PCDHGA3: variants seen among roughly 807,000 people sequenced by gnomAD.
PCDHGA3 encodes protocadherin gamma subfamily A, 3, also known as protocadherin gamma-A3.
PCDHGA3 carries 40 observed loss-of-function variants against 58.5 expected under a neutral mutation model. That is an observed-to-expected ratio of 0.68 (90% CI 0.53 to 0.89). The LOEUF (loss-of-function observed/expected upper bound fraction) is 0.89. Among genes scored for constraint, PCDHGA3 ranks in the 40% least tolerant of loss-of-function variants. PCDHGA3 has a pLI of 0.00. For missense variants in PCDHGA3, 1,223 were observed against 1,195.9 expected (o/e 1.02, Z -0.33); for synonymous variants, 530 against 525.7 (o/e 1.01, Z -0.11).
At position 141,491,872 on chromosome 5, in the gene PCDHGA3, G is replaced by A; in HGVS notation, c.2425-2935G>A. On this transcript the variant is annotated intron_variant, in intron 1 of 3. Transcript: ENST00000253812. The surrounding 1 kb of genome is among the most constrained non-coding windows in gnomAD (Gnocchi z 6.9). ...CCGTTTGCGCGAAACCAGAGTGGCCGATTAAGGGATGGGGCTCCGAGCACC... is the reference window on the plus strand; with the variant it reads ...CCGTTTGCGCGAAACCAGAGTGGCCAATTAAGGGATGGGGCTCCGAGCACC... 6.9e-7 allele frequency: 1 copy of A among 1,452,190 alleles called. No individual in the cohort carries two copies. The highest frequency in any genetic ancestry group is 9.1e-7 in the Non-Finnish European group (1 of 1,098,644). The allele number at this position is 1,452,190 out of a possible 1,614,324, so 90.0% of individuals were successfully genotyped here.
chr5:141,372,115 T>C, intron 1 of PCDHGA3: 1 of 1,613,758 alleles, frequency 6.2e-7, no homozygotes, highest in Non-Finnish European at 8.5e-7. Flanking sequence ...GGCTCTGCGC[T>C]CTTCGATATG....
intron 1 of PCDHGA3, chr5:141,357,163 T>TCGGCCA: frequency 6.2e-7 from 1 of 1,613,606 alleles, no homozygotes; most frequent in Non-Finnish European, 8.5e-7. Flanking sequence ...GCCCCCTCTC[T>TCGGCCA]CGGCCACCGT....
Position 141,477,128 on chromosome 5 carries a change from G to C in PCDHGA3, c.2425-17679G>C. On this transcript the variant is annotated intron_variant, in intron 1 of 3. Transcript: ENST00000253812. The surrounding 1 kb of genome is among the most constrained non-coding windows in gnomAD (Gnocchi z 4.9). ...CAATCCCGAAGGAGCACATTGCAAA[G>C]TGTTGGTGGAGGTTGTGGATGTGAA... 1.9e-6 allele frequency: 3 copies of C among 1,614,250 alleles called. No homozygotes were observed. The highest frequency in any genetic ancestry group is 2.5e-6 in the Non-Finnish European group (3 of 1,180,046).
intron 1 of PCDHGA3, chr5:141,364,780 A>C (rs1217288326): frequency 6.2e-7 from 1 of 1,614,006 alleles, no homozygotes; most frequent in Non-Finnish European, 8.5e-7. Flanking sequence ...CTGCAGGGAC[A>C]CGGTTAGTGC....
At chr5:141,507,447 G>A (rs998019159) in intron 3 of PCDHGA3, among the ~76,000 whole-genome samples, 1 of 152,226 alleles carries the variant, frequency 6.6e-6, no homozygotes, top group Non-Finnish European at 1.5e-5. Flanking sequence ...GCTGACGGAA[G>A]GACAGAGAGA....
intron 1 of PCDHGA3, chr5:141,374,128 GCTC>G: frequency 6.2e-7 from 1 of 1,603,488 alleles, no homozygotes; most frequent in Non-Finnish European, 8.5e-7. Flanking sequence ...AGCAGGTCCT[GCTC>G]CTCACGCTCC....
rs2233613 is a variant in PCDHGA3 at position 141,511,203 on chromosome 5, G to A, written c.*30G>A. 0.14 allele frequency: 222,603 copies of A among 1,611,360 alleles called. 15,640 individuals carry two copies. The highest frequency in any genetic ancestry group is 0.18 in the Admixed American group (10,873 of 59,374). ...GAGGCCAGGCCAAGAGCCACAGGGC[G>A]GCCTCTCCCCAACCAGCCCAGCTTC... On this transcript the variant is annotated 3_prime_UTR_variant, in exon 4 of 4. Transcript: ENST00000253812.
At position 141,493,235 on chromosome 5, in the gene PCDHGA3, T is replaced by G. The variant is rs541360337; in HGVS notation, c.2425-1572T>G. Among the ~76,000 whole-genome samples the G allele has an allele frequency of 6.6e-6, 1 of 152,352 alleles. No homozygotes were observed. The highest frequency in any genetic ancestry group is 1.5e-5 in the Non-Finnish European group (1 of 68,036). On this transcript the variant is annotated intron_variant, in intron 1 of 3. Transcript: ENST00000253812. This position sits in a 1 kb window ranked among gnomAD's most constrained non-coding sequence, Gnocchi z 4.3. ...TGCTCTTCCCACCATTGCTGTTGGC[T>G]AGGTACTAACATGCCTCTCTTATAA...
intron 1 of PCDHGA3, chr5:141,398,831 C>T: frequency 6.2e-7 from 1 of 1,614,014 alleles, no homozygotes; most frequent in South Asian, 1.1e-5. Context: ...GTAACCGACG[C>T]CAATGATAAT....
In PCDHGA3 at chr5:141,344,519, A is replaced by AG; in HGVS notation, c.488dup (p.Ile164HisfsTer2). 6.2e-7 allele frequency: 1 copy of AG among 1,613,986 alleles called. No individual in the cohort carries two copies. The highest frequency in any genetic ancestry group is 8.5e-7 in the Non-Finnish European group (1 of 1,179,888). On this transcript the variant is annotated frameshift_variant, in exon 1 of 4. Transcript: ENST00000253812. LOFTEE classifies it high-confidence loss of function. ...TTAAAACTGCTTTTGACCCAGATGT[A>AG]GGCATTAACTCCCTGCAGAACTACA...
At chr5:141,389,387 C>T in intron 1 of PCDHGA3, 1 of 1,613,724 alleles carries the variant, frequency 6.2e-7, no homozygotes, top group Non-Finnish European at 8.5e-7. Context: ...AGCTGTCATC[C>T]TACGTGTCCA....
intron 1 of PCDHGA3, chr5:141,419,647 G>A (rs370948584): frequency 1.0e-4 from 165 of 1,612,474 alleles, no homozygotes; most frequent in Non-Finnish European, 1.4e-4. Context: ...CCGTGGACGC[G>A]GACTCGGGGC....
chr5:141,360,892 G>C, intron 1 of PCDHGA3: 1 of 1,614,028 alleles, frequency 6.2e-7, no homozygotes, highest in Non-Finnish European at 8.5e-7. Context: ...CACCCTGAGG[G>C]AGGACGTGCC....
intron 1 of PCDHGA3, chr5:141,403,713 A>G (rs2094445702): frequency 2.5e-6 from 4 of 1,613,946 alleles, no homozygotes; most frequent in Non-Finnish European, 2.5e-6. Flanking sequence ...GTCCTTGAGA[A>G]CGTGCCCCCA....
chr5:141,408,157 T>C (rs748693406), intron 1 of PCDHGA3: 70 of 1,514,372 alleles, frequency 4.6e-5, no homozygotes, highest in Non-Finnish European at 5.9e-5. Flanking sequence ...AGAGTGCACT[T>C]TCTCCAACTG....
chr5:141,383,202 G>A, intron 1 of PCDHGA3: 1 of 1,614,060 alleles, frequency 6.2e-7, no homozygotes. Flanking sequence ...AGAGTGCGCG[G>A]TGTCTGGTAA....
At chr5:141,393,304 T>G (rs1317637425) in intron 1 of PCDHGA3, 3 of 1,613,680 alleles carry the variant, frequency 1.9e-6, no homozygotes, top group Admixed American at 1.7e-5. Context: ...GATGTGGGCG[T>G]GAACTCCCTC....
At chr5:141,383,109 T>C (rs562167618) in intron 1 of PCDHGA3, 78 of 1,613,790 alleles carry the variant, frequency 4.8e-5, no homozygotes, top group Non-Finnish European at 6.3e-5. Flanking sequence ...TCTCCAGAGG[T>C]AGGACGCAGC....
chr5:141,398,356 G>C (rs1242233046), intron 1 of PCDHGA3: 7 of 1,409,380 alleles, frequency 5.0e-6, no homozygotes, highest in East Asian at 2.4e-5. Context: ...TTACTTCACC[G>C]TGAGCGCAGA....
Sources: gnomAD v4.1 joint callset for allele counts (sites outside exome capture counted in the v4.1 genomes callset) on GRCh38, gnomAD v4.1.1 for gene constraint, Gnocchi (gnomAD v3.1) non-coding constraint, MANE v1.5 for transcripts, NCBI Gene and HGNC (gene_info 2026-07-23, HGNC 2026-07-21) for gene names.